Variants in NXPE2 observed in about 807,000 individuals in gnomAD.
NXPE2 encodes the protein neurexophilin and PC-esterase domain family member 2, also known as NXPE family member 2.
NXPE2 carries 34 observed loss-of-function variants against 34.4 expected under a neutral mutation model. The observed-to-expected ratio is 0.99, with a 90% CI of 0.75 to 1.31. The LOEUF (loss-of-function observed/expected upper bound fraction) is 1.31, where lower values mean the gene tolerates loss of function less well. NXPE2 is among the 40% of genes most tolerant of loss of function. The probability of loss-of-function intolerance (pLI) is 0.00; values close to 1 mark genes in which losing one functional copy is unlikely to be tolerated. For synonymous variants in NXPE2, 235 were observed against 231.3 expected, an observed-to-expected ratio of 1.02 and a Z score of -0.15; for missense variants, 649 against 672.5, an observed-to-expected ratio of 0.97 and a Z score of 0.39.
At chr11:114,637,222 CTTCT>C in the NXPE2 span, among the ~76,000 whole-genome samples, 4 of 151,806 alleles carry the variant, frequency 2.6e-5, no homozygotes, top group African/African-American at 7.3e-5. Context: ...AAGTAATGGC[CTTCT>C]TTGTCTCTTT....
At chr11:114,546,926 T>C in the NXPE2 span, among the ~76,000 whole-genome samples, 1 of 152,168 alleles carries the variant, frequency 6.6e-6, no homozygotes, top group African/African-American at 2.4e-5. Context: ...TGTCCCAAAG[T>C]ATGAAATAAA....
At chr11:114,716,785 T>C in the NXPE2 span, among the ~76,000 whole-genome samples, 1 of 152,206 alleles carries the variant, frequency 6.6e-6, no homozygotes, top group Admixed American at 6.5e-5. Flanking sequence ...ATTATGTTTC[T>C]TAAGGGGTAG....
At chr11:114,478,908 G>A in the NXPE2 span, among the ~76,000 whole-genome samples, 4 of 152,166 alleles carry the variant, frequency 2.6e-5, no homozygotes, top group Non-Finnish European at 5.9e-5. Context: ...GTTCCCTTTG[G>A]AGTTTATGTT....
At chr11:114,743,967 T>C in the NXPE2 span, among the ~76,000 whole-genome samples, 1 of 150,380 alleles carries the variant, frequency 6.6e-6, no homozygotes, top group South Asian at 2.1e-4. Flanking sequence ...ATGTATATTT[T>C]TTACCAAAGC....
At chr11:114,616,779 G>C in the NXPE2 span, among the ~76,000 whole-genome samples, 1 of 151,580 alleles carries the variant, frequency 6.6e-6, no homozygotes, top group Non-Finnish European at 1.5e-5. Context: ...TTGCCTCTTG[G>C]CTTACCACTG....
At chr11:114,514,046 CTATGTGTACATATG>C in the NXPE2 span, among the ~76,000 whole-genome samples, 20 of 152,160 alleles carry the variant, frequency 1.3e-4, no homozygotes, top group African/African-American at 4.8e-4. Flanking sequence ...TTTCTAGAGT[CTATGTGTACATATG>C]TATGTGTACA....
chr11:114,511,847 A>C, the NXPE2 span, among the ~76,000 whole-genome samples: 1 of 152,140 alleles, frequency 6.6e-6, no homozygotes, highest in Non-Finnish European at 1.5e-5. Context: ...GCCATGTGAC[A>C]TGCTGGGTCC....
At chr11:114,577,030 T>TATAAAGTTATATATATAC in the NXPE2 span, among the ~76,000 whole-genome samples, 1 of 28,024 alleles carries the variant, frequency 3.6e-5, no homozygotes, top group Non-Finnish European at 6.6e-5. Flanking sequence ...TATATATACA[T>TATAAAGTTATATATATAC]ATATATATAT....
the NXPE2 span, among the ~76,000 whole-genome samples, chr11:114,575,847 C>A: frequency 2.0e-5 from 3 of 152,040 alleles, no homozygotes; most frequent in Non-Finnish European, 4.4e-5. Context: ...CTAGAAAAAA[C>A]AATTCTAAAA....
chr11:114,740,468 T>C, the NXPE2 span, among the ~76,000 whole-genome samples: 1 of 152,190 alleles, frequency 6.6e-6, no homozygotes, highest in African/African-American at 2.4e-5. Context: ...TTCATTTCCT[T>C]TGTATATATA....
chr11:114,612,817 C>T, the NXPE2 span, among the ~76,000 whole-genome samples: 1 of 151,924 alleles, frequency 6.6e-6, no homozygotes, highest in Non-Finnish European at 1.5e-5. Context: ...TGGGAAAGCA[C>T]TGTTACCCAG....
chr11:114,503,748 A>G, the NXPE2 span, among the ~76,000 whole-genome samples: 1 of 152,260 alleles, frequency 6.6e-6, no homozygotes, highest in Non-Finnish European at 1.5e-5. Flanking sequence ...AAATAATAAT[A>G]CAATATCTCT....
the NXPE2 span, chr11:114,531,022 G>C: frequency 3.6e-6 from 4 of 1,121,282 alleles, no homozygotes; most frequent in East Asian, 1.1e-4. Flanking sequence ...AATTCAATTT[G>C]TTACCAAATT....
chr11:114,656,368 A>G, the NXPE2 span, among the ~76,000 whole-genome samples: 9 of 152,198 alleles, frequency 5.9e-5, no homozygotes, highest in South Asian at 1.9e-3. Context: ...AGTAATTTAT[A>G]GATTCAGTGC....
chr11:114,625,948 G>T, the NXPE2 span, among the ~76,000 whole-genome samples: 1 of 152,108 alleles, frequency 6.6e-6, no homozygotes, highest in African/African-American at 2.4e-5. Flanking sequence ...ACTCCCACCC[G>T]AATACTGCAC....
At chr11:114,807,200 A>G in the NXPE2 span, among the ~76,000 whole-genome samples, 6 of 150,344 alleles carry the variant, frequency 4.0e-5, no homozygotes, top group Non-Finnish European at 7.4e-5. Context: ...AGCACTAAAC[A>G]TGGAAAGGAA....
the NXPE2 span, among the ~76,000 whole-genome samples, chr11:114,632,666 G>C: frequency 1.2e-5 from 1 of 81,974 alleles, no homozygotes; most frequent in Non-Finnish European, 2.1e-5. Context: ...TAAATATATA[G>C]TATATATATT....
At chr11:114,778,150 TAA>T in the NXPE2 span, among the ~76,000 whole-genome samples, 1 of 152,154 alleles carries the variant, frequency 6.6e-6, no homozygotes, top group African/African-American at 2.4e-5. Context: ...AAACAATGTT[TAA>T]GTCAGGACTC....
the NXPE2 span, among the ~76,000 whole-genome samples, chr11:114,761,605 C>A: frequency 7.6e-6 from 1 of 131,932 alleles, no homozygotes; most frequent in East Asian, 2.2e-4. Flanking sequence ...CTCGCTCTGT[C>A]GCCCAGGCCG....
Sources: gnomAD v4.1 joint callset for allele counts (sites outside exome capture counted in the v4.1 genomes callset) on GRCh38, gnomAD v4.1.1 for gene constraint, MANE v1.5 for transcripts, NCBI Gene and HGNC (gene_info 2026-07-23, HGNC 2026-07-21) for gene names.